The following ZBTB1 variants were observed in gnomAD, a reference collection of about 807,000 sequenced individuals.
The protein encoded by ZBTB1 is zinc finger and BTB domain-containing protein 1.
In ZBTB1, 13 loss-of-function variants were observed where a neutral mutation model predicts 51.6. The observed-to-expected ratio is 0.25, with a 90% CI of 0.16 to 0.40. The LOEUF is 0.40. Ranked by LOEUF, ZBTB1 falls within the 10% of genes least tolerant of loss-of-function variation. ZBTB1 has a pLI of 1.00. For synonymous variants in ZBTB1, 240 were observed against 282.2 expected (o/e 0.85, Z 1.50); for missense variants, 567 against 856.5 (o/e 0.66, Z 4.22).
chr14:64,504,717 G>A, upstream of ZBTB1: 1 of 372,848 alleles, frequency 2.7e-6, no homozygotes, highest in East Asian at 3.8e-5. Context: ...GCGTAAGCGG[G>A]GCCGGCTCAG....
chr14:64,514,901 C>A (rs1163578819), intron 1 of ZBTB1, among the ~76,000 whole-genome samples: 3 of 152,006 alleles, frequency 2.0e-5, no homozygotes, highest in African/African-American at 7.3e-5. Context: ...TTAACTATAC[C>A]CTGATACATT....
rs118191294 is a variant in ZBTB1, at chr14:64,519,610, A to T, written c.-18-1877A>T. 6.6e-3 allele frequency among the ~76,000 whole-genome samples: 792 copies of T among 120,808 alleles called. 25 individuals are homozygous for T. The highest frequency in any genetic ancestry group is 0.046 in the Admixed American group (579 of 12,682). The allele number at this position is 120,808 out of a possible 152,430, so 79.3% of individuals were successfully genotyped here. A position where few individuals can be genotyped will look rare whatever the true frequency, so the allele number is the denominator to read the frequency against. On this transcript the variant is annotated intron_variant, in intron 1 of 1. Coordinates refer to ENST00000683701, the MANE Select transcript of ZBTB1 (RefSeq NM_001123329.2). Reference sequence around the variant, plus strand: ...AAGACCTTGTCTTTACTAAAATATTAAAAAAAAAAAAACAAAAAAAAACTG... The same window carrying T: ...AAGACCTTGTCTTTACTAAAATATTTAAAAAAAAAAAACAAAAAAAAACTG...
chr14:64,515,813 C>T (rs956201144), intron 1 of ZBTB1, among the ~76,000 whole-genome samples: 4 of 152,174 alleles, frequency 2.6e-5, no homozygotes, highest in African/African-American at 9.7e-5. Context: ...GCCACGGTGC[C>T]CGGCCTCAAA....
At chr14:64,526,981 G>C (rs1280755179), downstream of ZBTB1, among the ~76,000 whole-genome samples, 1 of 152,048 alleles carries the variant, frequency 6.6e-6, no homozygotes. Context: ...AGGAGTTCAA[G>C]GGAGCAGTGA....
chr14:64,528,976 G>A (rs1453009), downstream of ZBTB1, among the ~76,000 whole-genome samples: 26,359 of 152,160 alleles, frequency 0.17, 2,612 homozygotes, highest in Non-Finnish European at 0.22. Context: ...ATGTGATAAA[G>A]CTCCTATGAG....
chr14:64,520,380 T>A (rs973679342), intron 1 of ZBTB1, among the ~76,000 whole-genome samples: 36 of 152,174 alleles, frequency 2.4e-4, no homozygotes, highest in Admixed American at 1.6e-3. Context: ...AGTGGCGTGA[T>A]CATGGCTCAC....
intron 1 of ZBTB1, among the ~76,000 whole-genome samples, chr14:64,507,678 A>T (rs2079680300): frequency 6.6e-6 from 1 of 152,158 alleles, no homozygotes; most frequent in South Asian, 2.1e-4. Context: ...AAATTATTTG[A>T]TTAACTGGGC....
downstream of ZBTB1, among the ~76,000 whole-genome samples, chr14:64,529,204 C>A (rs2140189983): frequency 6.6e-6 from 1 of 152,234 alleles, no homozygotes; most frequent in South Asian, 2.1e-4. Context: ...TACTGTCAGC[C>A]TTTTTGAGGG....
intron 1 of ZBTB1, chr14:64,516,715 A>C (rs2079790303): frequency 6.6e-6 from 1 of 152,248 alleles, no homozygotes; most frequent in Non-Finnish European, 1.5e-5. Flanking sequence ...GCTACTGCTG[A>C]TGATCAACAC....
In ZBTB1 at chr14:64,515,799, G is replaced by A. The variant is rs192363218; in HGVS notation, c.-18-5688G>A. Among the ~76,000 whole-genome samples the A allele has an allele frequency of 9.8e-4, 149 of 152,294 alleles. 2 individuals carry two copies. Among genetic ancestry groups the A allele is most frequent in the African/African-American group, 3.2e-3 (134 of 41,564 alleles). On this transcript the variant is annotated intron_variant, in intron 1 of 1. Transcript: ENST00000683701. ...CTCCCAAAGTGCTGGGATTACAGGC[G>A]TGAGCCACGGTGCCCGGCCTCAAAA...
chr14:64,509,983 A>T (rs1427505945), intron 1 of ZBTB1, among the ~76,000 whole-genome samples: 4 of 150,840 alleles, frequency 2.7e-5, no homozygotes, highest in African/African-American at 7.3e-5. Context: ...TCTCAATTAA[A>T]AAAAAAAAAA....
chr14:64,521,336 C>A (rs1427121736), intron 1 of ZBTB1, among the ~76,000 whole-genome samples, 151 bp from the exon 2 acceptor site: 1 of 152,106 alleles, frequency 6.6e-6, no homozygotes, highest in African/African-American at 2.4e-5. Flanking sequence ...AAAAATGATT[C>A]AAGTATATAT....
chr14:64,517,504 A>G (rs1325894688), intron 1 of ZBTB1, among the ~76,000 whole-genome samples: 2 of 152,094 alleles, frequency 1.3e-5, no homozygotes, highest in African/African-American at 2.4e-5. Flanking sequence ...CTCTTACTCT[A>G]TAGTTTATTA....
At chr14:64,508,450 T>TGA (rs1308833772) in intron 1 of ZBTB1, among the ~76,000 whole-genome samples, 2 of 152,184 alleles carry the variant, frequency 1.3e-5, no homozygotes, top group Non-Finnish European at 2.9e-5. Context: ...AAGAGAATGA[T>TGA]GAGAGCTTTT....
chr14:64,528,562 G>C (rs996694951), downstream of ZBTB1, among the ~76,000 whole-genome samples: 7 of 152,062 alleles, frequency 4.6e-5, no homozygotes, highest in Non-Finnish European at 1.0e-4. Flanking sequence ...TTGATAACCT[G>C]AGGTGCAGTA....
At chr14:64,531,857 G>A (rs997497351) in intron 2 of ZBTB1, 2 of 1,613,570 alleles carry the variant, frequency 1.2e-6, no homozygotes, top group African/African-American at 2.7e-5. Context: ...TTTCTGTGTG[G>A]CAGTGGTGAA....
intron 1 of ZBTB1, among the ~76,000 whole-genome samples, chr14:64,510,185 T>G (rs1240419026): frequency 2.0e-5 from 3 of 152,212 alleles, no homozygotes; most frequent in Non-Finnish European, 4.4e-5. Context: ...TAACCAATTC[T>G]TATTTAGCAC....
Position 64,523,048 on chromosome 14 carries a change from A to G in ZBTB1, c.1544A>G (p.His515Arg), listed in dbSNP as rs753292555. The G allele has an allele frequency of 3.1e-6, 5 of 1,614,220 alleles. No homozygotes were observed. The highest frequency in any genetic ancestry group is 1.7e-5 in the Admixed American group (1 of 60,024). ...VEMLDDFRDN[H>R]YQINSIQKKQ... ...ATGCTGGATGATTTTAGGGACAATC[A>G]TTACCAGATAAACAGTATCCAAAAA... Residue 515 changes from histidine (H) to arginine (R), a missense_variant, in exon 2 of 2, where the codon CAT becomes CGT. His to Arg is a conservative substitution (Grantham distance 29). Transcript: ENST00000683701. The surrounding 1 kb of genome is among the most constrained non-coding windows in gnomAD (Gnocchi z 4.5).
chr14:64,509,678 T>C (rs1040627520), intron 1 of ZBTB1, among the ~76,000 whole-genome samples: 1 of 152,080 alleles, frequency 6.6e-6, no homozygotes, highest in Non-Finnish European at 1.5e-5. Flanking sequence ...TTTTAAAATG[T>C]GTAGGATCTG....
Sources: allele counts gnomAD v4.1 joint callset (sites outside exome capture counted in the v4.1 genomes callset), GRCh38; gene constraint gnomAD v4.1.1; non-coding constraint Gnocchi (gnomAD v3.1); transcripts MANE v1.5; gene names NCBI Gene and HGNC (gene_info 2026-07-23, HGNC 2026-07-21).